TRHDE: variants seen among roughly 807,000 people sequenced by gnomAD.
TRHDE encodes thyrotropin releasing hormone degrading enzyme.
In TRHDE, 72 loss-of-function variants were observed where a neutral mutation model predicts 125.7. The ratio of observed to expected loss-of-function variants is 0.57; its 90% CI spans 0.47 to 0.70. The LOEUF is 0.70. TRHDE is among the 30% of genes least tolerant of loss of function. TRHDE has a pLI of 0.00. For synonymous variants in TRHDE, 509 were observed against 509.1 expected (o/e 1.00, Z 0.00); for missense variants, 1,110 against 1,327.1 (o/e 0.84, Z 2.54).
intron 6 of TRHDE, among the ~76,000 whole-genome samples, chr12:72,526,016 T>C (rs1308280172): frequency 6.6e-6 from 1 of 152,122 alleles, no homozygotes; most frequent in African/African-American, 2.4e-5. Flanking sequence ...ATAAAACTTT[T>C]GTACATTTGA....
rs151034369 is a variant in TRHDE at position 72,533,424 on chromosome 12, T to A, written c.1723-8867T>A. 5.3e-5 allele frequency among the ~76,000 whole-genome samples: 8 copies of A among 152,190 alleles called. No individual in the cohort carries two copies. In the East Asian group the frequency reaches 1.5e-3, roughly 29 times the overall value. On this transcript the variant is annotated intron_variant, in intron 6 of 18. Transcript: ENST00000261180. ...TCCTGACCTTGTGATCTGCCCACCC[T>A]GGACTCCCAAAGTGCTGGGATTACA...
At chr12:72,645,838 A>G (rs779261734) in intron 15 of TRHDE, among the ~76,000 whole-genome samples, 5 of 152,142 alleles carry the variant, frequency 3.3e-5, no homozygotes, top group Non-Finnish European at 5.9e-5. Context: ...AAGGAAAAAG[A>G]AAATTGTCAA....
chr12:72,273,659 G>T lies in TRHDE; in HGVS notation c.914+102G>T, dbSNP rs1879357958. ...GGACCCAGCTGGCTTCCAATACCCG[G>T]GAAGCCAGGGGTGGGGGGAAGGAAA... On this transcript the variant is annotated intron_variant, in intron 1 of 18. Coordinates refer to ENST00000261180, the MANE Select transcript of TRHDE (RefSeq NM_013381.3). The surrounding 1 kb of genome is among the most constrained non-coding windows in gnomAD (Gnocchi z 5.3). The T allele has an allele frequency of 1.7e-6, 2 of 1,142,908 alleles. No homozygotes were observed. The highest frequency in any genetic ancestry group is 3.1e-5 in the African/African-American group (2 of 64,856). 70.8% of individuals were successfully genotyped at this position (1,142,908 alleles called of 1,614,324 possible).
exon 1 of TRHDE, chr12:72,087,421 A>C (rs2139279852): frequency 6.6e-6 from 1 of 152,432 alleles, no homozygotes; most frequent in Non-Finnish European, 1.5e-5. Flanking sequence ...TCAATAATAG[A>C]ACATGGCTTG....
intron 2 of TRHDE, among the ~76,000 whole-genome samples, chr12:72,136,839 A>G (rs1257432831): frequency 6.6e-6 from 1 of 152,114 alleles, no homozygotes; most frequent in African/African-American, 2.4e-5. Context: ...ACTCGCACCT[A>G]CTGCAGCGTG....
rs7136261 is a variant in TRHDE at position 72,224,150 on chromosome 12, G to C, written n.279+118398G>C. 6.6e-3 allele frequency among the ~76,000 whole-genome samples: 563 copies of C among 85,124 alleles called. 2 individuals carry two copies. Among genetic ancestry groups the C allele is most frequent in the Middle Eastern group, 0.018 (3 of 166 alleles). The allele number at this position is 85,124 out of a possible 152,430, so 55.8% of individuals were successfully genotyped here. A position where few individuals can be genotyped will look rare whatever the true frequency, so the allele number is the denominator to read the frequency against. ...TCTATCTATCTATCTATTTATCTAT[G>C]TATGTATGTATGTATGTATCTATCT... is the stretch of plus-strand genomic sequence containing the variant. On this transcript the variant is annotated intron_variant and non_coding_transcript_variant, in intron 2 of 4. Transcript: ENST00000548156.
At chr12:72,158,057 G>C (rs1223815770) in intron 2 of TRHDE, among the ~76,000 whole-genome samples, 1 of 152,158 alleles carries the variant, frequency 6.6e-6, no homozygotes, top group Non-Finnish European at 1.5e-5. Context: ...AGAGGACTGA[G>C]AATTGACTGC....
chr12:72,596,038 G>A lies in TRHDE; in HGVS notation c.2321+20496G>A, dbSNP rs554183445. On this transcript the variant is annotated intron_variant, in intron 12 of 18. Transcript: ENST00000261180. ...GATATTATTGAAAATATATACCCAA[G>A]TTTTAAACTGAGTCCCTTTTGATGA... Among the ~76,000 whole-genome samples the A allele has an allele frequency of 7.2e-4, 109 of 152,176 alleles. No individual in the cohort carries two copies. In the South Asian group the frequency reaches 0.022, roughly 30 times the overall value.
intron 12 of TRHDE, among the ~76,000 whole-genome samples, chr12:72,596,563 T>G (rs1871949419): frequency 6.6e-6 from 1 of 152,156 alleles, no homozygotes; most frequent in Admixed American, 6.5e-5. Flanking sequence ...TATTGGGTGG[T>G]TTAAATACAA....
At chr12:72,179,343 T>C (rs1028732961) in intron 2 of TRHDE, among the ~76,000 whole-genome samples, 1 of 152,108 alleles carries the variant, frequency 6.6e-6, no homozygotes, top group Non-Finnish European at 1.5e-5. Context: ...ATTTGTCCCG[T>C]TGGGAGAGAA....
At chr12:72,318,248 A>G (rs1375796000) in intron 2 of TRHDE, among the ~76,000 whole-genome samples, 3 of 152,162 alleles carry the variant, frequency 2.0e-5, no homozygotes, top group Non-Finnish European at 2.9e-5. Flanking sequence ...TGGAGAGTCC[A>G]AAGAAATGAG....
intron 2 of TRHDE, among the ~76,000 whole-genome samples, chr12:72,239,752 A>G (rs1304803018): frequency 6.6e-6 from 1 of 152,240 alleles, no homozygotes; most frequent in East Asian, 1.9e-4. Context: ...TGTCTATAAA[A>G]TAGCCAAAAT....
At chr12:72,134,332 G>GA (rs965989806) in intron 2 of TRHDE, among the ~76,000 whole-genome samples, 1 of 151,666 alleles carries the variant, frequency 6.6e-6, no homozygotes, top group South Asian at 2.1e-4. Flanking sequence ...CCCGGCTGGA[G>GA]AAAAAAAAGT....
chr12:72,420,689 G>A (rs1873915744), intron 3 of TRHDE, among the ~76,000 whole-genome samples: 1 of 152,110 alleles, frequency 6.6e-6, no homozygotes, highest in Non-Finnish European at 1.5e-5. Flanking sequence ...CAATCATATA[G>A]ACTGACCACA....
chr12:72,632,249 T>C (rs1258044614), intron 15 of TRHDE, among the ~76,000 whole-genome samples: 3 of 152,010 alleles, frequency 2.0e-5, no homozygotes, highest in African/African-American at 4.8e-5. Context: ...ATTACTGTGA[T>C]TCAGACAACA....
Position 72,291,931 on chromosome 12 carries a change from C to T in TRHDE, c.1188+4977C>T, listed in dbSNP as rs61244952. Among the ~76,000 whole-genome samples, 94 of 152,292 alleles carry T rather than the reference C, an allele frequency of 6.2e-4. 1 individual carries two copies. The highest frequency in any genetic ancestry group is 2.2e-3 in the African/African-American group (93 of 41,580). On this transcript the variant is annotated intron_variant, in intron 2 of 18. Transcript: ENST00000261180. Reference sequence around the variant, plus strand: ...GCTTCCTACCACTAAAATGTTGGGGCTACAAAGACCTATTTTTCTTTTGTA... The same window carrying T: ...GCTTCCTACCACTAAAATGTTGGGGTTACAAAGACCTATTTTTCTTTTGTA...
At chr12:72,475,656 AC>A (rs764963669) in intron 5 of TRHDE, among the ~76,000 whole-genome samples, 1 of 152,196 alleles carries the variant, frequency 6.6e-6, no homozygotes, top group Non-Finnish European at 1.5e-5. Flanking sequence ...TGTAAATAAG[AC>A]AACTGAGACT....
At chr12:72,348,437 T>C (rs1870432275) in intron 2 of TRHDE, among the ~76,000 whole-genome samples, 1 of 151,984 alleles carries the variant, frequency 6.6e-6, no homozygotes, top group Non-Finnish European at 1.5e-5. Flanking sequence ...CATCTGGGAG[T>C]CTTGCTATTT....
chr12:72,100,262 A>G (rs997600205), intron 1 of TRHDE, among the ~76,000 whole-genome samples: 10 of 152,202 alleles, frequency 6.6e-5, no homozygotes, highest in African/African-American at 2.2e-4. Context: ...GAGAAAATGT[A>G]CAATTTATAC....
Sources: allele counts gnomAD v4.1 joint callset (sites outside exome capture counted in the v4.1 genomes callset), GRCh38; gene constraint gnomAD v4.1.1; non-coding constraint Gnocchi (gnomAD v3.1); transcripts MANE v1.5; gene names NCBI Gene and HGNC (gene_info 2026-07-23, HGNC 2026-07-21).